EED: variants seen among roughly 807,000 people sequenced by gnomAD.
EED encodes polycomb protein EED.
In EED, 9 loss-of-function variants were observed where a neutral mutation model predicts 61.0. The ratio of observed to expected loss-of-function variants is 0.15; its 90% confidence interval spans 0.09 to 0.26. The LOEUF is 0.26. Among genes scored for constraint, EED ranks in the 10% least tolerant of loss-of-function variants. The pLI is 1.00. For missense variants in EED, 315 were observed against 542.3 expected, an observed-to-expected ratio of 0.58 and a Z score of 4.16; for synonymous variants, 187 against 174.4, an observed-to-expected ratio of 1.07 and a Z score of -0.57.
At chr11:86,252,401 G>A (rs1418364647) in intron 3 of EED, among the ~76,000 whole-genome samples, 161 bp downstream of exon 3, 2 of 151,982 alleles carry the variant, frequency 1.3e-5, no homozygotes, top group African/African-American at 4.8e-5. Flanking sequence ...ATTAAAACTA[G>A]TATGCATGGC....
chr11:86,245,811 T>G (rs1256844889), intron 1 of EED, among the ~76,000 whole-genome samples: 1 of 152,088 alleles, frequency 6.6e-6, no homozygotes, highest in Non-Finnish European at 1.5e-5. Flanking sequence ...TTGCGGAGTT[T>G]GGGAGACTTT....
intron 6 of EED, among the ~76,000 whole-genome samples, chr11:86,261,274 C>T (rs2138180345): frequency 1.3e-5 from 2 of 152,346 alleles, no homozygotes; most frequent in South Asian, 4.1e-4. Flanking sequence ...GGTAACTGGT[C>T]CCAAGTAAAT....
chr11:86,281,246 T>C (rs866946529), downstream of EED, among the ~76,000 whole-genome samples: 43 of 152,238 alleles, frequency 2.8e-4, no homozygotes, highest in Non-Finnish European at 5.4e-4. Context: ...CTTTAAATGT[T>C]TAATAGAAAC....
Position 86,245,092 on chromosome 11 carries a change from A to G in EED, c.-138A>G, listed in dbSNP as rs563019631. The G allele has an allele frequency of 7.1e-5, 43 of 606,422 alleles. No individual in the cohort carries two copies. The Admixed American group carries it at 1.3e-3, about 18-fold the overall frequency. The allele number at this position is 606,422 out of a possible 1,614,324, so 37.6% of individuals were successfully genotyped here. A position where few individuals can be genotyped will look rare whatever the true frequency, so the allele number is the denominator to read the frequency against. On this transcript the variant is annotated 5_prime_UTR_variant, in exon 1 of 12. Coordinates refer to ENST00000263360, the MANE Select transcript of EED (RefSeq NM_003797.5). Reference sequence around the variant, plus strand: ...ACGCCCGCCTCGGCGGCTGGGCGCGATTTGCGACAGTGGGGGGGGCGGTGG... The same window carrying G: ...ACGCCCGCCTCGGCGGCTGGGCGCGGTTTGCGACAGTGGGGGGGGCGGTGG...
chr11:86,265,735 A>T (rs1945958236), intron 7 of EED: 1 of 159,022 alleles, frequency 6.3e-6, no homozygotes, highest in African/African-American at 2.4e-5. Flanking sequence ...TAATATCACT[A>T]TTCAGCTCTT....
the EED span, among the ~76,000 whole-genome samples, chr11:86,287,574 G>A: frequency 6.6e-6 from 1 of 152,186 alleles, no homozygotes; most frequent in African/African-American, 2.4e-5. Flanking sequence ...AGGGAAGTGT[G>A]TGTGTTTAAT....
chr11:86,264,000 G>A (rs759861842), intron 6 of EED, 172 bp from the exon 7 acceptor site: 49 of 571,856 alleles, frequency 8.6e-5, no homozygotes, highest in Non-Finnish European at 1.5e-4. Context: ...CACTTACCTA[G>A]CTAATTCTAC....
intron 4 of EED, 99 bp downstream of exon 4, chr11:86,255,386 G>C (rs1343566495): frequency 1.0e-6 from 1 of 990,538 alleles, no homozygotes; most frequent in African/African-American, 1.6e-5. Context: ...TAAAGTTATT[G>C]TTCTTTCTTA....
chr11:86,255,306 T>C lies in EED; in HGVS notation c.426+19T>C. ...TGCTGATGTATCCTTTCCTGGGTTT[T>C]TAATATCTTTAGTCAAAGGAATTTA... On this transcript the variant is annotated intron_variant, in intron 4 of 11. Coordinates refer to ENST00000263360, the MANE Select transcript of EED (RefSeq NM_003797.5). 1 of 1,585,688 alleles carries C rather than the reference T, an allele frequency of 6.3e-7. No individual in the cohort carries two copies. The highest frequency in any genetic ancestry group is 8.6e-7 in the Non-Finnish European group (1 of 1,160,774).
chr11:86,269,955 A>G, intron 9 of EED: 1 of 561,426 alleles, frequency 1.8e-6, no homozygotes, highest in South Asian at 2.3e-5. Context: ...GCTGCTAATC[A>G]GCAGTTGTGT....
chr11:86,250,171 A>G, intron 1 of EED, 125 bp from the exon 2 acceptor site: 6 of 852,090 alleles, frequency 7.0e-6, no homozygotes, highest in Non-Finnish European at 8.2e-6. Flanking sequence ...GGAGGCAAGA[A>G]TACATTTTTT....
intron 6 of EED, among the ~76,000 whole-genome samples, chr11:86,261,875 TG>T (rs888797512): frequency 6.6e-6 from 1 of 152,192 alleles, no homozygotes; most frequent in African/African-American, 2.4e-5. Context: ...GGTGCTACTC[TG>T]GAAACCTTGC....
chr11:86,252,514 C>CTTT (rs369772003), intron 3 of EED, among the ~76,000 whole-genome samples: 21 of 138,174 alleles, frequency 1.5e-4, no homozygotes, highest in African/African-American at 4.5e-4. Flanking sequence ...AATTGGCGTC[C>CTTT]TTTTTTTTTT....
chr11:86,251,299 A>G (rs1280134096), intron 2 of EED, among the ~76,000 whole-genome samples: 1 of 152,156 alleles, frequency 6.6e-6, no homozygotes, highest in Non-Finnish European at 1.5e-5. Flanking sequence ...TATTTTTTAA[A>G]AGTCAATTAT....
At chr11:86,283,787 A>G (rs1227776550), downstream of EED, 3 of 151,596 alleles carry the variant, frequency 2.0e-5, no homozygotes, top group African/African-American at 7.3e-5. Flanking sequence ...AATGGAGAAT[A>G]TGAGAGGTTA....
chr11:86,275,292 CT>C (rs1156766272), intron 9 of EED, among the ~76,000 whole-genome samples: 3 of 152,108 alleles, frequency 2.0e-5, no homozygotes, highest in Non-Finnish European at 4.4e-5. Context: ...AAGTAAAAAG[CT>C]ATTAGCTTTT....
intron 1 of EED, among the ~76,000 whole-genome samples, chr11:86,248,109 G>C (rs137953635): frequency 1.3e-5 from 2 of 152,314 alleles, no homozygotes; most frequent in Admixed American, 1.3e-4. Context: ...CTCTTTCCTC[G>C]TTGGGCAAGT....
the EED span, among the ~76,000 whole-genome samples, chr11:86,286,342 A>T: frequency 2.0e-5 from 3 of 152,152 alleles, no homozygotes; most frequent in South Asian, 6.2e-4. Flanking sequence ...TGCCTGGCTG[A>T]GATGACAAAT....
At chr11:86,259,993 T>C (rs1159502345) in intron 6 of EED, among the ~76,000 whole-genome samples, 1 of 152,206 alleles carries the variant, frequency 6.6e-6, no homozygotes, top group Non-Finnish European at 1.5e-5. Flanking sequence ...CATATGTATG[T>C]ATATCCTAGG....
Sources: allele counts gnomAD v4.1 joint callset (sites outside exome capture counted in the v4.1 genomes callset), GRCh38; gene constraint gnomAD v4.1.1; transcripts MANE v1.5; gene names NCBI Gene and HGNC (gene_info 2026-07-23, HGNC 2026-07-21).